ASIC2: variants seen among roughly 807,000 people sequenced by gnomAD.
ASIC2 encodes the protein acid-sensing ion channel 2.
ASIC2 carries 25 observed loss-of-function variants against 57.3 expected under a neutral mutation model. That is an observed-to-expected ratio of 0.44 (90% CI 0.32 to 0.61). The LOEUF (loss-of-function observed/expected upper bound fraction) is 0.61, where lower values mean the gene tolerates loss of function less well. ASIC2 is among the 20% of genes least tolerant of loss of function. The pLI is 0.06. For missense variants in ASIC2, 641 were observed against 738.1 expected, an observed-to-expected ratio of 0.87 and a Z score of 1.52; for synonymous variants, 319 against 307.5, an observed-to-expected ratio of 1.04 and a Z score of -0.39.
chr17:33,753,350 T>C (rs1019590654), intron 1 of ASIC2, among the ~76,000 whole-genome samples: 8 of 152,190 alleles, frequency 5.3e-5, no homozygotes, highest in African/African-American at 1.4e-4. Flanking sequence ...GGAGTCTTTT[T>C]GGCCAGTGAA....
intron 1 of ASIC2, among the ~76,000 whole-genome samples, chr17:33,857,609 T>C (rs1436266883): frequency 2.0e-5 from 3 of 152,190 alleles, no homozygotes; most frequent in Non-Finnish European, 4.4e-5. Flanking sequence ...CGAACTCTTA[T>C]TTTGCAGATG....
In ASIC2 at chr17:34,017,232, C is replaced by T. The variant is rs1347345075; in HGVS notation, c.555+138746G>A. 3.9e-5 allele frequency among the ~76,000 whole-genome samples: 6 copies of T among 152,110 alleles called. No individual in the cohort carries two copies. The East Asian group carries it at 7.7e-4, about 20-fold the overall frequency. On this transcript the variant is annotated intron_variant, in intron 1 of 9. Coordinates refer to the ASIC2 transcript ENST00000359872. ...TATATCTGTTATGGTGATCTGTGAT[C>T]GGTGACCTTTGATGTTACTGATGTA...
intron 1 of ASIC2, among the ~76,000 whole-genome samples, chr17:33,201,369 G>A (rs554577566): frequency 3.9e-5 from 6 of 152,164 alleles, no homozygotes; most frequent in African/African-American, 1.4e-4. Context: ...GACTGAGGGG[G>A]AGGTGGGACT....
chr17:33,337,870 AG>A (rs1907577195), intron 1 of ASIC2, among the ~76,000 whole-genome samples: 1 of 152,012 alleles, frequency 6.6e-6, no homozygotes, highest in Admixed American at 6.5e-5. Context: ...GTGTTCTGGA[AG>A]GGCAAAGAAA....
intron 1 of ASIC2, among the ~76,000 whole-genome samples, chr17:33,654,687 CA>C (rs1907024707): frequency 1.3e-5 from 2 of 152,204 alleles, no homozygotes; most frequent in African/African-American, 2.4e-5. Flanking sequence ...CCAGAGCTCT[CA>C]GACTAAAACT....
intron 1 of ASIC2, among the ~76,000 whole-genome samples, chr17:33,851,429 G>A (rs901986079): frequency 6.6e-6 from 1 of 152,160 alleles, no homozygotes; most frequent in African/African-American, 2.4e-5. Flanking sequence ...GGATGTGTTG[G>A]GGAGTGTTCC....
chr17:33,690,848 C>A (rs1425304414), intron 1 of ASIC2, among the ~76,000 whole-genome samples: 1 of 143,672 alleles, frequency 7.0e-6, no homozygotes, highest in African/African-American at 2.6e-5. Flanking sequence ...CTCCCAGATT[C>A]ACGCCATTCT....
intron 1 of ASIC2, among the ~76,000 whole-genome samples, chr17:33,729,458 A>G (rs1909669484): frequency 6.6e-6 from 1 of 152,026 alleles, no homozygotes. Context: ...GGGGACAAAT[A>G]CCCAAACTAT....
intron 1 of ASIC2, among the ~76,000 whole-genome samples, chr17:34,061,555 T>C (rs541941727): frequency 1.3e-5 from 2 of 152,292 alleles, no homozygotes; most frequent in Non-Finnish European, 2.9e-5. Flanking sequence ...ATGGCCTAAA[T>C]GCTCCACTTA....
chr17:33,508,124 C>T (rs1187912549), intron 1 of ASIC2, among the ~76,000 whole-genome samples: 1 of 151,982 alleles, frequency 6.6e-6, no homozygotes, highest in Non-Finnish European at 1.5e-5. Context: ...CTGCCCTCCC[C>T]TCCCCGCTTC....
At chr17:34,119,589 A>G (rs1240669884) in intron 1 of ASIC2, among the ~76,000 whole-genome samples, 1 of 150,038 alleles carries the variant, frequency 6.7e-6, no homozygotes, top group African/African-American at 2.5e-5. Flanking sequence ...CAATTCCTCT[A>G]TGAGCTTCCC....
At chr17:33,058,470 CAAA>C (rs10612611) in intron 3 of ASIC2, among the ~76,000 whole-genome samples, 43,583 of 110,558 alleles carry the variant, frequency 0.39, 6,863 homozygotes, top group East Asian at 0.6. Context: ...TCTGAGAAGT[CAAA>C]AAAAAAAAAA....
chr17:33,528,579 G>T (rs1486221434), intron 1 of ASIC2, among the ~76,000 whole-genome samples: 2 of 152,142 alleles, frequency 1.3e-5, no homozygotes, highest in African/African-American at 4.8e-5. Flanking sequence ...AAGGGGATTG[G>T]TTGGCAGGGA....
intron 1 of ASIC2, among the ~76,000 whole-genome samples, chr17:33,587,321 T>C (rs1023628969): frequency 6.6e-6 from 1 of 152,190 alleles, no homozygotes; most frequent in African/African-American, 2.4e-5. Context: ...TTTCACTTAA[T>C]GAGAAACAGA....
chr17:33,842,092 G>A (rs1913455292), intron 1 of ASIC2, among the ~76,000 whole-genome samples: 1 of 152,198 alleles, frequency 6.6e-6, no homozygotes, highest in Non-Finnish European at 1.5e-5. Flanking sequence ...TGGTGGGCTG[G>A]ACGACATAAC....
intron 1 of ASIC2, among the ~76,000 whole-genome samples, chr17:33,591,870 C>T (rs1314662813): frequency 6.6e-6 from 1 of 152,182 alleles, no homozygotes; most frequent in South Asian, 2.1e-4. Flanking sequence ...TTTGCTTGCA[C>T]CTTCAACAGA....
Position 33,842,499 on chromosome 17 carries a change from G to A in ASIC2, c.555+313479C>T, listed in dbSNP as rs973504713. Among the ~76,000 whole-genome samples, 3 of 152,226 alleles carry A rather than the reference G, an allele frequency of 2.0e-5. No homozygotes were observed. In the South Asian group the frequency reaches 6.2e-4, roughly 31 times the overall value. On this transcript the variant is annotated intron_variant, in intron 1 of 9. Transcript: ENST00000359872. Reference sequence around the variant, plus strand: ...ATAAAACTGCAAATATCCAGGAGATGGAGAGCTGTGTCAGTATTGAACCTG... The same window carrying A: ...ATAAAACTGCAAATATCCAGGAGATAGAGAGCTGTGTCAGTATTGAACCTG...
At chr17:33,573,325 T>C (rs556808341) in intron 1 of ASIC2, among the ~76,000 whole-genome samples, 6 of 152,272 alleles carry the variant, frequency 3.9e-5, no homozygotes, top group African/African-American at 1.4e-4. Flanking sequence ...TAGAAAATAA[T>C]ACAGAGAAAA....
intron 1 of ASIC2, among the ~76,000 whole-genome samples, chr17:33,662,569 G>A (rs1340834640): frequency 6.6e-6 from 1 of 151,448 alleles, no homozygotes; most frequent in African/African-American, 2.4e-5. Flanking sequence ...GTTGCAGTGA[G>A]CCGAGATCAT....
Sources: allele counts gnomAD v4.1 joint callset (sites outside exome capture counted in the v4.1 genomes callset), GRCh38; gene constraint gnomAD v4.1.1; transcripts MANE v1.5; gene names NCBI Gene and HGNC (gene_info 2026-07-23, HGNC 2026-07-21).